Variants in CD99L2 observed in about 807,000 individuals in gnomAD.
The protein encoded by CD99L2 is CD99 molecule like 2.
Under a neutral mutation model 27.3 loss-of-function variants are expected in CD99L2, and 24 were observed. The ratio of observed to expected loss-of-function variants is 0.88; its 90% CI spans 0.64 to 1.24. The LOEUF (loss-of-function observed/expected upper bound fraction) is 1.24. CD99L2 is among the 50% of genes most tolerant of loss of function. CD99L2 has a pLI of 0.00. For synonymous variants in CD99L2, 97 were observed against 87.9 expected (o/e 1.10, Z -0.58); for missense variants, 255 against 221.6 (o/e 1.15, Z -0.96).
At chrX:150,854,800 A>T (rs782106387) in intron 1 of CD99L2, among the ~76,000 whole-genome samples, 15 of 111,198 alleles carry the variant, frequency 1.3e-4, no homozygotes, top group Admixed American at 1.1e-3. Context: ...GAATCATGAG[A>T]TTATACATAC....
At chrX:150,858,810 A>G (rs1430777725) in intron 1 of CD99L2, among the ~76,000 whole-genome samples, 1 of 111,841 alleles carries the variant, frequency 8.9e-6, no homozygotes, top group African/African-American at 3.2e-5. Flanking sequence ...AATAATCCAA[A>G]CCCAAAATTA....
chrX:150,768,220 A>G lies in CD99L2; in HGVS notation c.*814T>C, dbSNP rs910186515. The G allele has an allele frequency of 2.7e-5, 3 of 112,111 alleles. No homozygotes were observed. The highest frequency in any genetic ancestry group is 9.7e-5 in the African/African-American group (3 of 30,785). 9.2% of individuals were successfully genotyped at this position (112,111 alleles called of 1,213,427 possible). A position where few individuals can be genotyped will look rare whatever the true frequency, so the allele number is the denominator to read the frequency against. On this transcript the variant is annotated 3_prime_UTR_variant, in exon 11 of 11. Transcript: ENST00000370377. ...GGTGAGCACCTCTCCCCAACACAGGATAAAACTCATCTCCGGTGCAGAAAT... is the reference window on the plus strand; with the variant it reads ...GGTGAGCACCTCTCCCCAACACAGGGTAAAACTCATCTCCGGTGCAGAAAT...
chrX:150,826,328 A>T (rs921489970), intron 2 of CD99L2, among the ~76,000 whole-genome samples: 13 of 112,112 alleles, frequency 1.2e-4, no homozygotes, highest in South Asian at 3.7e-4. Context: ...GGGAATGGGG[A>T]CATTCATAAG....
rs148182024 is a variant in CD99L2 at position 150,768,853 on chromosome X, C to T, written c.*181G>A. On this transcript the variant is annotated 3_prime_UTR_variant, in exon 11 of 11. Coordinates refer to ENST00000370377, the MANE Select transcript of CD99L2 (RefSeq NM_031462.4). The stretch of plus-strand genomic sequence containing the variant: ...TGAATTTCGGCACCAAGTCTCAGCA[C>T]GCTTGGGGCAGGGCAGAGAAACCAA... 971 of 973,347 alleles carry T rather than the reference C, an allele frequency of 1.0e-3. 5 individuals carry two copies. The African/African-American group carries it at 0.015, about 15-fold the overall frequency. 80.2% of individuals were successfully genotyped at this position (973,347 alleles called of 1,213,427 possible). A position where few individuals can be genotyped will look rare whatever the true frequency, so the allele number is the denominator to read the frequency against.
chrX:150,890,070 A>G (rs1020172059), intron 1 of CD99L2, among the ~76,000 whole-genome samples: 6 of 108,748 alleles, frequency 5.5e-5, no homozygotes, highest in African/African-American at 1.7e-4. Context: ...GGAGAATGGC[A>G]TGAACCCGGG....
intron 2 of CD99L2, among the ~76,000 whole-genome samples, chrX:150,823,756 T>C (rs1557420730): frequency 2.7e-5 from 3 of 110,813 alleles, no homozygotes. Context: ...GGCTGGTTGC[T>C]AGCTCAGGTC....
Position 150,795,191 on chromosome X carries a change from C to T in CD99L2, c.430+15G>A, listed in dbSNP as rs1557419857. 3 of 1,206,389 alleles carry T rather than the reference C, an allele frequency of 2.5e-6. No individual in the cohort carries two copies. Among genetic ancestry groups the T allele is most frequent in the African/African-American group, 1.8e-5 (1 of 57,039 alleles). On this transcript the variant is annotated intron_variant, in intron 6 of 10. Transcript: ENST00000370377. ...ATGTAATTAATGAGACAGAACCAGA[C>T]CAGGTGGGACTCACCTCCTCCTCCA...
chrX:150,828,861 A>T (rs368986079), intron 2 of CD99L2: 29 of 111,939 alleles, frequency 2.6e-4, no homozygotes, highest in East Asian at 1.4e-3. Context: ...TAAAAAACAC[A>T]TATCTTTGGT....
chrX:150,778,643 G>C (rs890945403), intron 7 of CD99L2, among the ~76,000 whole-genome samples: 1 of 97,099 alleles, frequency 1.0e-5, no homozygotes, highest in Non-Finnish European at 2.0e-5. Context: ...ATTTACATTA[G>C]GGACATGTAC....
At chrX:150,813,560 T>A (rs1398156013) in intron 4 of CD99L2, among the ~76,000 whole-genome samples, 4 of 112,313 alleles carry the variant, frequency 3.6e-5, no homozygotes, top group Non-Finnish European at 7.5e-5. Context: ...ACTAAGTTTA[T>A]GATAGCATGT....
chrX:150,829,245 T>C, intron 2 of CD99L2: 1 of 181,712 alleles, frequency 5.5e-6, no homozygotes, highest in Non-Finnish European at 1.0e-5. Flanking sequence ...ATTTCCTTAT[T>C]TGGAAAAAGG....
At chrX:150,810,566 C>T (rs1557420335) in intron 4 of CD99L2, among the ~76,000 whole-genome samples, 2 of 108,513 alleles carry the variant, frequency 1.8e-5, no homozygotes, top group Non-Finnish European at 3.8e-5. Context: ...ACAGAGCAAG[C>T]AGAGTGAAGG....
In CD99L2 at chrX:150,777,598, C is replaced by G. The variant is rs192372120; in HGVS notation, c.497-116G>C. ...TTCCAATCCCACCTATGCGACAAGA[C>G]CCCCACCAGTGGATCACCCGTAGGC... On this transcript the variant is annotated intron_variant, in intron 7 of 10. Transcript: ENST00000370377. 6.7e-6 allele frequency: 5 copies of G among 744,121 alleles called. No homozygotes were observed. In the South Asian group the frequency reaches 7.7e-5, roughly 12 times the overall value. 61.3% of individuals were successfully genotyped at this position (744,121 alleles called of 1,213,427 possible).
intron 9 of CD99L2, among the ~76,000 whole-genome samples, chrX:150,771,118 C>T (rs149016213): frequency 2.9e-3 from 324 of 112,242 alleles, no homozygotes; most frequent in African/African-American, 7.8e-3. Flanking sequence ...CTCATCCCTG[C>T]GTAGCACAGG....
At chrX:150,801,042 A>C (rs1400246906) in intron 4 of CD99L2, among the ~76,000 whole-genome samples, 2 of 110,211 alleles carry the variant, frequency 1.8e-5, no homozygotes, top group Admixed American at 9.6e-5. Context: ...AAAAAAAAAA[A>C]CAAAAAAACC....
At chrX:150,807,365 C>A (rs2046010750) in intron 4 of CD99L2, among the ~76,000 whole-genome samples, 1 of 111,599 alleles carries the variant, frequency 9.0e-6, no homozygotes, top group South Asian at 3.8e-4. Flanking sequence ...CACCAATTGA[C>A]CCTAAACTCG....
intron 1 of CD99L2, among the ~76,000 whole-genome samples, chrX:150,883,707 AAAAT>A (rs1413772911): frequency 8.9e-6 from 1 of 111,834 alleles, no homozygotes. Context: ...CACAGCCAAA[AAAAT>A]AAATAAATAA....
intron 1 of CD99L2, among the ~76,000 whole-genome samples, chrX:150,854,302 A>ACTCTGTCTGCCTC (rs1375195185): frequency 9.0e-6 from 1 of 111,278 alleles, no homozygotes; most frequent in African/African-American, 3.3e-5. Flanking sequence ...TTACCTGCCT[A>ACTCTGTCTGCCTC]CTCTGTCTGC....
At chrX:150,856,392 G>A (rs927916104) in intron 1 of CD99L2, among the ~76,000 whole-genome samples, 14 of 111,838 alleles carry the variant, frequency 1.3e-4, no homozygotes, top group African/African-American at 2.9e-4. Flanking sequence ...ACCACATGCC[G>A]ACTGGGCACT....
Sources: gnomAD v4.1 joint callset for allele counts (sites outside exome capture counted in the v4.1 genomes callset) on GRCh38, gnomAD v4.1.1 for gene constraint, MANE v1.5 for transcripts, NCBI Gene and HGNC (gene_info 2026-07-23, HGNC 2026-07-21) for gene names.